ASIC5: variants seen among roughly 807,000 people sequenced by gnomAD.
The protein encoded by ASIC5 is acid sensing ion channel subunit family member 5, also known as bile acid-sensitive ion channel.
In ASIC5, 52 loss-of-function variants were observed where a neutral mutation model predicts 51.2. That is an observed-to-expected ratio of 1.02 (90% confidence interval 0.81 to 1.28). The LOEUF (loss-of-function observed/expected upper bound fraction) is 1.28. Ranked by LOEUF, ASIC5 falls within the 50% of genes most tolerant of loss-of-function variation. ASIC5 has a pLI of 0.00. For synonymous variants in ASIC5, 231 were observed against 200.7 expected (o/e 1.15, Z -1.28); for missense variants, 635 against 595.0 (o/e 1.07, Z -0.70).
intron 2 of ASIC5, among the ~76,000 whole-genome samples, chr4:155,861,658 T>C (rs1741709538): frequency 6.6e-6 from 1 of 152,100 alleles, no homozygotes; most frequent in Admixed American, 6.6e-5. Context: ...GTCTAATCCA[T>C]TCTAATTTAA....
chr4:155,856,766 G>T (rs1371228212), intron 2 of ASIC5, among the ~76,000 whole-genome samples: 1 of 152,030 alleles, frequency 6.6e-6, no homozygotes, highest in Non-Finnish European at 1.5e-5. Context: ...GTGACAGACA[G>T]GTTCCCAACA....
intron 6 of ASIC5, among the ~76,000 whole-genome samples, chr4:155,839,504 G>C (rs551749001): frequency 1.3e-5 from 2 of 152,086 alleles, no homozygotes; most frequent in African/African-American, 4.8e-5. Context: ...ATCAGAGCTG[G>C]GTTTACTCCT....
At chr4:155,858,490 T>C (rs1189734330) in intron 2 of ASIC5, among the ~76,000 whole-genome samples, 4 of 152,106 alleles carry the variant, frequency 2.6e-5, no homozygotes, top group Non-Finnish European at 5.9e-5. Context: ...AATGCTATTA[T>C]TCATTTCTGT....
At chr4:155,858,580 G>T (rs1169783842) in intron 2 of ASIC5, among the ~76,000 whole-genome samples, 1 of 151,996 alleles carries the variant, frequency 6.6e-6, no homozygotes, top group South Asian at 2.1e-4. Context: ...TGAACCTGGG[G>T]AAAAGAAACA....
intron 6 of ASIC5, 23 bp from the exon 7 acceptor site, chr4:155,838,892 T>C (rs1251616949): frequency 9.7e-6 from 13 of 1,343,290 alleles, no homozygotes; most frequent in Admixed American, 1.9e-5. Flanking sequence ...AAGTGTAACA[T>C]ATAGAGACTT....
At position 155,854,150 on chromosome 4, in the gene ASIC5, C is replaced by G; in HGVS notation, c.512G>C (p.Arg171Thr). Residue 171 changes from arginine (R) to threonine (T), a missense_variant, in exon 3 of 10, where the codon AGG (arginine) becomes ACG (threonine). Arg to Thr is a moderately conservative substitution (Grantham distance 71). Coordinates refer to ENST00000537611, the MANE Select transcript of ASIC5 (RefSeq NM_017419.3). Reference protein sequence around the residue: ...HQNFSIVEFIRNKGFYLNNST... With the variant: ...HQNFSIVEFITNKGFYLNNST... ...ATTGTTGAGATAAAAACCTTTGTTCCTGATAAATTCCACAATGCTGAAGTT... is the reference window on the plus strand; with the variant it reads ...ATTGTTGAGATAAAAACCTTTGTTCGTGATAAATTCCACAATGCTGAAGTT... 1.2e-6 allele frequency: 2 copies of G among 1,613,428 alleles called. No individual in the cohort carries two copies. The highest frequency in any genetic ancestry group is 1.7e-6 in the Non-Finnish European group (2 of 1,179,652).
intron 4 of ASIC5, among the ~76,000 whole-genome samples, chr4:155,849,641 T>G (rs1307633519): frequency 6.6e-6 from 1 of 152,102 alleles, no homozygotes; most frequent in Non-Finnish European, 1.5e-5. Context: ...CAATTTTTAT[T>G]ATTTTCTACA....
chr4:155,861,703 G>A (rs749437187), intron 2 of ASIC5, among the ~76,000 whole-genome samples: 12 of 151,892 alleles, frequency 7.9e-5, no homozygotes, highest in African/African-American at 2.2e-4. Flanking sequence ...TGCATCTGCC[G>A]TTTTACTTTT....
intron 2 of ASIC5, among the ~76,000 whole-genome samples, chr4:155,859,558 G>A (rs190721915): frequency 1.9e-4 from 29 of 152,114 alleles, no homozygotes; most frequent in African/African-American, 6.7e-4. Flanking sequence ...AAAAAGTATA[G>A]AAATTGGGAT....
At chr4:155,830,084 T>G in intron 9 of ASIC5, 38 bp from the exon 10 acceptor site, 1 of 1,380,476 alleles carries the variant, frequency 7.2e-7, no homozygotes. Flanking sequence ...GTCATTATTT[T>G]TCATAAAAAA....
rs958026672 is a variant in ASIC5 at position 155,851,896 on chromosome 4, A to G, written c.711+295T>C. On this transcript the variant is annotated intron_variant, in intron 4 of 9. Transcript: ENST00000537611. ...CAAAGAGTTCTCTTAAAATAGCTACATACATTGCAACTTAGAATCTCTGGG... is the reference window on the plus strand; with the variant it reads ...CAAAGAGTTCTCTTAAAATAGCTACGTACATTGCAACTTAGAATCTCTGGG... 2.0e-5 allele frequency among the ~76,000 whole-genome samples: 3 copies of G among 152,010 alleles called. 1 individual carries two copies. The highest frequency in any genetic ancestry group is 4.4e-5 in the Non-Finnish European group (3 of 67,944).
intron 8 of ASIC5, among the ~76,000 whole-genome samples, chr4:155,835,170 A>AG (rs1266118044): frequency 6.6e-6 from 1 of 152,116 alleles, no homozygotes; most frequent in Non-Finnish European, 1.5e-5. Flanking sequence ...TTAACCCTCC[A>AG]GCCATCTGTA....
chr4:155,862,592 C>T (rs998397743), intron 2 of ASIC5, among the ~76,000 whole-genome samples: 4 of 152,072 alleles, frequency 2.6e-5, no homozygotes, highest in African/African-American at 9.7e-5. Context: ...AGTTGTCCTC[C>T]TCTTAGCAGA....
intron 2 of ASIC5, among the ~76,000 whole-genome samples, chr4:155,861,719 T>G (rs1357058662): frequency 1.3e-5 from 2 of 152,086 alleles, no homozygotes; most frequent in African/African-American, 4.8e-5. Context: ...CTTTTTGTTT[T>G]CTCTATGTCT....
intron 8 of ASIC5, among the ~76,000 whole-genome samples, chr4:155,836,228 T>C (rs1740976265): frequency 6.6e-6 from 1 of 152,194 alleles, no homozygotes; most frequent in Non-Finnish European, 1.5e-5. Context: ...CATAACTTCT[T>C]TCTGGGCCCC....
intron 2 of ASIC5, among the ~76,000 whole-genome samples, chr4:155,862,952 C>G (rs1379502660): frequency 2.0e-5 from 3 of 152,122 alleles, no homozygotes; most frequent in Non-Finnish European, 4.4e-5. Flanking sequence ...AGCCCTTGCA[C>G]ATTGTTTTAT....
rs1436184021 is a variant in ASIC5 at position 155,835,530 on chromosome 4, T to C, written c.1235+1159A>G. On this transcript the variant is annotated intron_variant, in intron 8 of 9. Coordinates refer to ENST00000537611, the MANE Select transcript of ASIC5 (RefSeq NM_017419.3). ...AATCATGCCTACTTTCTCTGTATAT[T>C]AAGTAATTATGAAACTCAGGAGATT... Among the ~76,000 whole-genome samples, 8 of 152,274 alleles carry C rather than the reference T, an allele frequency of 5.3e-5. No homozygotes were observed. In the East Asian group the frequency reaches 1.5e-3, roughly 29 times the overall value.
chr4:155,853,928 A>G (rs1741454036), intron 3 of ASIC5, 149 bp downstream of exon 3: 1 of 633,714 alleles, frequency 1.6e-6, no homozygotes, highest in African/African-American at 1.8e-5. Context: ...CATACCCCTG[A>G]TATCATAAGG....
chr4:155,836,864 T>A lies in ASIC5; in HGVS notation c.1067-7A>T. ...TCCTTAAATTCAATGTGGTCTGAAA[T>A]GAAAATCAGGACAGGGAATTCAGAG... On this transcript the variant is annotated splice_polypyrimidine_tract_variant and splice_region_variant and intron_variant, in intron 7 of 9. Coordinates refer to ENST00000537611, the MANE Select transcript of ASIC5 (RefSeq NM_017419.3). 1 of 1,575,000 alleles carries A rather than the reference T, an allele frequency of 6.3e-7. No homozygotes were observed. The highest frequency in any genetic ancestry group is 1.8e-5 in the Admixed American group (1 of 57,116).
Sources: gnomAD v4.1 joint callset for allele counts (sites outside exome capture counted in the v4.1 genomes callset) on GRCh38, gnomAD v4.1.1 for gene constraint, MANE v1.5 for transcripts, NCBI Gene and HGNC (gene_info 2026-07-23, HGNC 2026-07-21) for gene names.